Variants in MBOAT2 observed in about 807,000 individuals in gnomAD.
MBOAT2 encodes the protein membrane bound glycerophospholipid O-acyltransferase 2, also known as membrane-bound glycerophospholipid O-acyltransferase 2.
Under a neutral mutation model 63.4 loss-of-function variants are expected in MBOAT2, and 28 were observed. The ratio of observed to expected loss-of-function variants is 0.44; its 90% CI spans 0.33 to 0.61. The LOEUF (loss-of-function observed/expected upper bound fraction) is 0.61. MBOAT2 is among the 20% of genes least tolerant of loss of function. The probability of loss-of-function intolerance (pLI) is 0.03; values close to 1 mark genes in which losing one functional copy is unlikely to be tolerated. For synonymous variants in MBOAT2, 211 were observed against 215.6 expected, an observed-to-expected ratio of 0.98 and a Z score of 0.19; for missense variants, 470 against 605.8, an observed-to-expected ratio of 0.78 and a Z score of 2.35.
intron 3 of MBOAT2, 119 bp from the exon 4 acceptor site, chr2:8,908,835 C>G (rs1665513034): frequency 1.6e-6 from 1 of 606,566 alleles, no homozygotes; most frequent in African/African-American, 1.9e-5. Flanking sequence ...ACTAGATCTA[C>G]TCTACAAACA....
Position 8,972,499 on chromosome 2 carries a change from A to G in MBOAT2, c.76-13857T>C, listed in dbSNP as rs1452417415. Among the ~76,000 whole-genome samples the G allele has an allele frequency of 2.0e-5, 3 of 152,238 alleles. No homozygotes were observed. The East Asian group carries it at 5.8e-4, about 29-fold the overall frequency. The stretch of plus-strand genomic sequence containing the variant: ...TAAAACACCAAAAGCAGTGGCAACA[A>G]AAGCCAAAATTGACAAATGGGATCT... On this transcript the variant is annotated intron_variant, in intron 1 of 12. Transcript: ENST00000305997.
intron 2 of MBOAT2, among the ~76,000 whole-genome samples, chr2:8,948,369 G>T (rs754655235): frequency 6.6e-6 from 1 of 152,076 alleles, no homozygotes; most frequent in East Asian, 1.9e-4. Context: ...TTTATACTCA[G>T]GGGATACATA....
At position 8,856,364 on chromosome 2, in the gene MBOAT2, T is replaced by A. The variant is rs1202230837; in HGVS notation, c.*2315A>T. On this transcript the variant is annotated 3_prime_UTR_variant, in exon 13 of 13. Transcript: ENST00000305997. The surrounding 1 kb of genome is among the most constrained non-coding windows in gnomAD (Gnocchi z 4.2). Reference sequence around the variant, plus strand: ...ACGAACAAAACCCAACAAGTTTGTATTAAGCCTTCTTGTTTTCACTTATGA... The same window carrying A: ...ACGAACAAAACCCAACAAGTTTGTAATAAGCCTTCTTGTTTTCACTTATGA... 1.3e-5 allele frequency: 2 copies of A among 151,876 alleles called. No individual in the cohort carries two copies. The highest frequency in any genetic ancestry group is 2.4e-5 in the African/African-American group (1 of 41,348). 9.4% of individuals were successfully genotyped at this position (151,876 alleles called of 1,614,324 possible).
At chr2:8,911,855 C>A (rs1036791384) in intron 3 of MBOAT2, among the ~76,000 whole-genome samples, 1 of 152,150 alleles carries the variant, frequency 6.6e-6, no homozygotes, top group Non-Finnish European at 1.5e-5. Flanking sequence ...ATTACCCAGC[C>A]TCAGGTATTC....
At chr2:8,999,835 T>G (rs1672560818) in intron 1 of MBOAT2, among the ~76,000 whole-genome samples, 1 of 152,386 alleles carries the variant, frequency 6.6e-6, no homozygotes, top group South Asian at 2.1e-4. Context: ...CACTTGATAA[T>G]AGATTCTACA....
intron 3 of MBOAT2, among the ~76,000 whole-genome samples, chr2:8,939,637 G>C (rs138539734): frequency 1.5e-3 from 229 of 152,256 alleles, no homozygotes; most frequent in Non-Finnish European, 2.9e-3. Context: ...CTAGGAAACG[G>C]GCTTCCGTGG....
chr2:8,944,918 C>A (rs1668307255), intron 2 of MBOAT2, among the ~76,000 whole-genome samples: 2 of 152,164 alleles, frequency 1.3e-5, no homozygotes, highest in Admixed American at 1.3e-4. Flanking sequence ...GCTTCTTAAA[C>A]TGCGAGGAGA....
intron 1 of MBOAT2, among the ~76,000 whole-genome samples, chr2:9,002,194 G>A (rs1325515151): frequency 6.6e-6 from 1 of 152,190 alleles, no homozygotes; most frequent in East Asian, 1.9e-4. Context: ...TACTTTATTA[G>A]CAAGACACCC....
At chr2:8,976,786 T>C (rs1296598865) in intron 1 of MBOAT2, among the ~76,000 whole-genome samples, 1 of 152,172 alleles carries the variant, frequency 6.6e-6, no homozygotes, top group East Asian at 1.9e-4. Context: ...GAAAGTAGTC[T>C]AACTTCATAA....
intron 1 of MBOAT2, among the ~76,000 whole-genome samples, chr2:8,987,314 C>A (rs1270932678): frequency 1.3e-5 from 2 of 152,228 alleles, no homozygotes; most frequent in African/African-American, 4.8e-5. Context: ...CTAACACTTA[C>A]ACCTTGCTCA....
Position 8,853,022 on chromosome 2 carries a change from T to G in MBOAT2, c.*5657A>C, listed in dbSNP as rs558420743. 1 of 152,220 alleles carries G rather than the reference T, an allele frequency of 6.6e-6. No homozygotes were observed. The highest frequency in any genetic ancestry group is 1.5e-5 in the Non-Finnish European group (1 of 68,040). The allele number at this position is 152,220 out of a possible 1,614,324, so 9.4% of individuals were successfully genotyped here. A position where few individuals can be genotyped will look rare whatever the true frequency, so the allele number is the denominator to read the frequency against. On this transcript the variant is annotated 3_prime_UTR_variant, in exon 13 of 13. Transcript: ENST00000305997. ...AACTTGGGAAGGCAAATGTAAATAC[T>G]AAATTCTGGCTGCTGGAGTTGGGTC...
At chr2:8,917,128 C>G (rs1333298221) in intron 3 of MBOAT2, among the ~76,000 whole-genome samples, 2 of 152,134 alleles carry the variant, frequency 1.3e-5, no homozygotes, top group Non-Finnish European at 2.9e-5. Context: ...AAAATTAACT[C>G]AATATGGATC....
intron 3 of MBOAT2, among the ~76,000 whole-genome samples, chr2:8,913,930 C>T (rs962958399): frequency 3.9e-5 from 6 of 152,200 alleles, no homozygotes; most frequent in Non-Finnish European, 7.3e-5. Flanking sequence ...CCCAAATGCC[C>T]ACCAATCAAC....
intron 4 of MBOAT2, among the ~76,000 whole-genome samples, chr2:8,906,389 G>T (rs1665336420): frequency 6.6e-6 from 1 of 152,202 alleles, no homozygotes. Context: ...AGGCACAAGT[G>T]TTGCGCAGGC....
intron 3 of MBOAT2, among the ~76,000 whole-genome samples, 164 bp downstream of exon 3, chr2:8,943,023 A>G (rs969994787): frequency 2.0e-5 from 3 of 152,266 alleles, no homozygotes; most frequent in Non-Finnish European, 2.9e-5. Context: ...AGTAAAAAGA[A>G]GAATGATGCA....
chr2:8,935,449 G>A (rs927028548), intron 3 of MBOAT2, among the ~76,000 whole-genome samples: 1 of 152,188 alleles, frequency 6.6e-6, no homozygotes, highest in African/African-American at 2.4e-5. Flanking sequence ...CACACTCTGG[G>A]GAGAAGAAAA....
chr2:8,870,020 G>GC (rs1358962110), intron 8 of MBOAT2, among the ~76,000 whole-genome samples: 2 of 152,202 alleles, frequency 1.3e-5, no homozygotes, highest in East Asian at 3.9e-4. Context: ...ATGTTCCCCT[G>GC]CCCCCCAGTC....
intron 3 of MBOAT2, among the ~76,000 whole-genome samples, chr2:8,920,714 T>C (rs1666506771): frequency 6.6e-6 from 1 of 152,240 alleles, no homozygotes; most frequent in African/African-American, 2.4e-5. Context: ...TTTACAGTTT[T>C]CAAGTGCAAC....
At chr2:8,919,624 G>A (rs1029556839) in intron 3 of MBOAT2, among the ~76,000 whole-genome samples, 2 of 152,014 alleles carry the variant, frequency 1.3e-5, no homozygotes, top group Non-Finnish European at 2.9e-5. Context: ...TCCAAGTCCT[G>A]TATCAGACAC....
Sources: gnomAD v4.1 joint callset for allele counts (sites outside exome capture counted in the v4.1 genomes callset) on GRCh38, gnomAD v4.1.1 for gene constraint, Gnocchi (gnomAD v3.1) non-coding constraint, MANE v1.5 for transcripts, NCBI Gene and HGNC (gene_info 2026-07-23, HGNC 2026-07-21) for gene names.